Variants in CFAP69 observed in about 807,000 individuals in gnomAD.
The protein encoded by CFAP69 is cilia- and flagella-associated protein 69.
A neutral mutation model predicts 123.0 loss-of-function variants in CFAP69; 92 were observed. The observed-to-expected ratio is 0.75, with a 90% CI of 0.63 to 0.89. CFAP69 has a LOEUF of 0.89. Ranked by LOEUF, CFAP69 falls within the 40% of genes least tolerant of loss-of-function variation. CFAP69 has a pLI of 0.00. For missense variants in CFAP69, 1,067 were observed against 1,096.9 expected, an observed-to-expected ratio of 0.97 and a Z score of 0.39; for synonymous variants, 380 against 364.3, an observed-to-expected ratio of 1.04 and a Z score of -0.49.
chr7:90,271,792 A>G lies in CFAP69; in HGVS notation c.694A>G (p.Thr232Ala). The G allele has an allele frequency of 1.9e-6, 3 of 1,579,734 alleles. No individual in the cohort carries two copies. The highest frequency in any genetic ancestry group is 2.6e-6 in the Non-Finnish European group (3 of 1,163,270). Reference protein sequence around the residue: ...QHLSTSEVNCTIMMKAQAASG... With the variant: ...QHLSTSEVNCAIMMKAQAASG... ...AAATTTATTTTCAGAAGTTAATTGT[A>G]CTATAATGATGAAAGCACAAGCAGC... The change falls in exon 8 of 23, where the codon ACT becomes GCT. Residue 232 changes from threonine to alanine, a missense_variant. Transcript: ENST00000389297.
chr7:90,305,664 C>T (rs1562926914), intron 19 of CFAP69, among the ~76,000 whole-genome samples: 1 of 151,630 alleles, frequency 6.6e-6, no homozygotes, highest in Non-Finnish European at 1.5e-5. Context: ...ACCAGCCTGA[C>T]CATACAGTTT....
At position 90,310,126 on chromosome 7, in the gene CFAP69, C is replaced by A; in HGVS notation, c.2714C>A (p.Pro905His). Reference sequence around the variant, plus strand: ...ACTCCTGCCCGATTAGTAGGAGGACCTCTGGTTGATACGGATATTGCTCTT... The same window carrying A: ...ACTCCTGCCCGATTAGTAGGAGGACATCTGGTTGATACGGATATTGCTCTT... ...ESTPARLVGG[P>H]LVDTDIALKK... The change falls in exon 23 of 23, where the codon CCT becomes CAT. Residue 905 changes from proline (P) to histidine (H), a missense_variant. Physicochemically the swap from Pro to His is moderately conservative, Grantham distance 77. Transcript: ENST00000389297. 1 of 1,613,842 alleles carries A rather than the reference C, an allele frequency of 6.2e-7. No individual in the cohort carries two copies. The highest frequency in any genetic ancestry group is 1.7e-5 in the Admixed American group (1 of 59,978).
chr7:90,317,900 T>A, the CFAP69 span: 1 of 152,192 alleles, frequency 6.6e-6, no homozygotes, highest in East Asian at 1.9e-4. Context: ...AAACCAGTGT[T>A]GTAAACCATG....
At chr7:90,275,070 T>A (rs1206035585) in intron 9 of CFAP69, among the ~76,000 whole-genome samples, 4 of 152,216 alleles carry the variant, frequency 2.6e-5, no homozygotes, top group African/African-American at 9.6e-5. Flanking sequence ...TATATTTAAA[T>A]TCACTGACTT....
At chr7:90,304,672 TA>T in intron 18 of CFAP69, 71 bp from the exon 19 acceptor site, 1 of 1,512,448 alleles carries the variant, frequency 6.6e-7, no homozygotes, top group East Asian at 2.4e-5. Context: ...GATAGATAGA[TA>T]GATAGATAGA....
chr7:90,280,622 C>T (rs1198461723), intron 12 of CFAP69, among the ~76,000 whole-genome samples: 1 of 152,232 alleles, frequency 6.6e-6, no homozygotes, highest in Non-Finnish European at 1.5e-5. Flanking sequence ...ATCCTTTTCT[C>T]TATGGAGCTT....
intron 6 of CFAP69, 51 bp from the exon 7 acceptor site, chr7:90,271,472 TTAA>T: frequency 6.6e-7 from 1 of 1,518,322 alleles, no homozygotes; most frequent in South Asian, 1.2e-5. Flanking sequence ...TTCTTTTGTC[TTAA>T]TGATCATTCT....
chr7:90,307,773 GGCCACGCACAA>G lies in CFAP69; in HGVS notation c.2472_2482del (p.Thr825LysfsTer5). 1 of 1,599,388 alleles carries G rather than the reference GGCCACGCACAA, an allele frequency of 6.3e-7. No individual in the cohort carries two copies. ...AATTATCTTTCTCATTTCAGATACA[GGCCACGCACAA>G]GCAAAGAGAGCTGGCTAATAAATCA... On this transcript the variant is annotated frameshift_variant, in exon 21 of 23. Transcript: ENST00000389297. LOFTEE classifies it high-confidence loss of function.
intron 12 of CFAP69, among the ~76,000 whole-genome samples, chr7:90,280,826 G>A (rs1789379255): frequency 2.0e-5 from 3 of 152,164 alleles, no homozygotes; most frequent in Non-Finnish European, 4.4e-5. Flanking sequence ...TTTGTATGAT[G>A]CATTTTCATT....
intron 12 of CFAP69, among the ~76,000 whole-genome samples, chr7:90,280,876 A>C (rs1789385662): frequency 1.3e-5 from 2 of 152,220 alleles, no homozygotes; most frequent in African/African-American, 4.8e-5. Context: ...AAGGAGGAAA[A>C]AATGATAGGC....
At position 90,273,962 on chromosome 7, in the gene CFAP69, T is replaced by C. The variant is rs572884625; in HGVS notation, c.861-25T>C. The C allele has an allele frequency of 4.6e-6, 7 of 1,535,542 alleles. No individual in the cohort carries two copies. In the South Asian group the frequency reaches 8.4e-5, roughly 18 times the overall value. On this transcript the variant is annotated intron_variant, in intron 8 of 22. Coordinates refer to ENST00000389297, the MANE Select transcript of CFAP69 (RefSeq NM_001039706.3). ...ACATTTAGTGTATAACAATATAGTT[T>C]TTAAAATATGATTTTACTTTCTAGG... is the stretch of plus-strand genomic sequence containing the variant.
intron 1 of CFAP69, among the ~76,000 whole-genome samples, chr7:90,247,780 G>T (rs1201123934): frequency 6.6e-6 from 1 of 152,162 alleles, no homozygotes; most frequent in Non-Finnish European, 1.5e-5. Context: ...GGGAGGCAGA[G>T]GTTGAAGTGA....
Position 90,245,369 on chromosome 7 carries a change from C to G in CFAP69, c.-56C>G. On this transcript the variant is annotated 5_prime_UTR_variant, in exon 1 of 23. Transcript: ENST00000389297. ...GGGGCCTCTTTGGGCCCAGCGGCTG[C>G]GGGCGCACTGTAGGACAGGAAGATC... 1.4e-6 allele frequency: 2 copies of G among 1,450,958 alleles called. No individual in the cohort carries two copies. The highest frequency in any genetic ancestry group is 2.5e-4 in the Middle Eastern group (1 of 4,014). 89.9% of individuals were successfully genotyped at this position (1,450,958 alleles called of 1,614,324 possible). A position where few individuals can be genotyped will look rare whatever the true frequency, so the allele number is the denominator to read the frequency against.
At position 90,262,025 on chromosome 7, in the gene CFAP69, G is replaced by T; in HGVS notation, c.325G>T (p.Glu109Ter). Reference sequence around the variant, plus strand: ...AATAAAAAACCAGCCTCGTTTTATAGAATCTGCATATGATATCATAAAACT... The same window carrying T: ...AATAAAAAACCAGCCTCGTTTTATATAATCTGCATATGATATCATAAAACT... ...GKIKNQPRFI[E>*]SAYDIIKLCG... The change falls in exon 4 of 23, where the codon GAA (glutamate) becomes TAA (stop). Residue 109 changes from glutamate (E) to a stop codon, truncating the protein, a stop_gained. Transcript: ENST00000389297. LOFTEE classifies it high-confidence loss of function. 1 of 1,599,076 alleles carries T rather than the reference G, an allele frequency of 6.3e-7. No individual in the cohort carries two copies. Among genetic ancestry groups the T allele is most frequent in the South Asian group, 1.1e-5 (1 of 87,664 alleles).
At chr7:90,320,743 A>AT in the CFAP69 span, 1 of 152,368 alleles carries the variant, frequency 6.6e-6, no homozygotes, top group African/African-American at 2.4e-5. Context: ...GAGAGAAATC[A>AT]TACGAATCAA....
chr7:90,255,899 A>C (rs1797588303), intron 2 of CFAP69, among the ~76,000 whole-genome samples: 1 of 152,210 alleles, frequency 6.6e-6, no homozygotes. Flanking sequence ...TTTTGAGAAC[A>C]ATCATATATA....
intron 13 of CFAP69, among the ~76,000 whole-genome samples, chr7:90,283,969 C>A (rs1023091099): frequency 6.6e-6 from 1 of 151,990 alleles, no homozygotes; most frequent in Non-Finnish European, 1.5e-5. Context: ...TACCTTTTTG[C>A]CCAGTTTGTT....
chr7:90,271,585 A>G lies in CFAP69; in HGVS notation c.592A>G (p.Lys198Glu). 1 of 1,613,408 alleles carries G rather than the reference A, an allele frequency of 6.2e-7. No homozygotes were observed. Among genetic ancestry groups the G allele is most frequent in the Non-Finnish European group, 8.5e-7 (1 of 1,179,680 alleles). ...AATGGCTGAAGTTGGAGGATTAGCA[A>G]AAACAATGGTCCAGTCAATGACCTT... ...IQMAEVGGLA[K>E]TMVQSMTLLE... The change falls in exon 7 of 23, where the codon AAA becomes GAA. Residue 198 changes from lysine (K) to glutamate (E), a missense_variant. Coordinates refer to ENST00000389297, the MANE Select transcript of CFAP69 (RefSeq NM_001039706.3).
intron 18 of CFAP69, 47 bp from the exon 19 acceptor site, chr7:90,304,697 T>G: frequency 1.9e-6 from 3 of 1,561,768 alleles, no homozygotes; most frequent in Non-Finnish European, 2.6e-6. Context: ...ATTCTTAGAA[T>G]CACTTGCTCT....
Sources: gnomAD v4.1 joint callset for allele counts (sites outside exome capture counted in the v4.1 genomes callset) on GRCh38, gnomAD v4.1.1 for gene constraint, MANE v1.5 for transcripts, NCBI Gene and HGNC (gene_info 2026-07-23, HGNC 2026-07-21) for gene names.